ME3: variants seen among roughly 807,000 people sequenced by gnomAD.
ME3 encodes malic enzyme 3.
Under a neutral mutation model 68.9 loss-of-function variants are expected in ME3, and 48 were observed. The ratio of observed to expected loss-of-function variants is 0.70; its 90% CI spans 0.55 to 0.89. The LOEUF is 0.89. Among genes scored for constraint, ME3 ranks in the 40% least tolerant of loss-of-function variants. The pLI is 0.00. For synonymous variants in ME3, 320 were observed against 318.8 expected (o/e 1.00, Z -0.04); for missense variants, 675 against 797.4 (o/e 0.85, Z 1.85).
In ME3 at chr11:86,542,845, A is replaced by G. The variant is rs1301462987; in HGVS notation, c.467+13708T>C. Among the ~76,000 whole-genome samples the G allele has an allele frequency of 5.3e-5, 8 of 152,292 alleles. No homozygotes were observed. The East Asian group carries it at 1.3e-3, about 26-fold the overall frequency. ...CTCAAGAAGAGCAACCCCAAGACAC[A>G]TAATTGTCAGATTCACCAAGGTTGA... On this transcript the variant is annotated intron_variant, in intron 4 of 14. Coordinates refer to ENST00000543262, the Ensembl canonical transcript of ME3.
chr11:86,461,107 C>T lies in ME3; in HGVS notation c.919+3984G>A, dbSNP rs569895109. Among the ~76,000 whole-genome samples the T allele has an allele frequency of 4.6e-5, 7 of 152,298 alleles. No homozygotes were observed. In the East Asian group the frequency reaches 9.7e-4, roughly 21 times the overall value. On this transcript the variant is annotated intron_variant, in intron 8 of 14. Coordinates refer to ENST00000543262, the Ensembl canonical transcript of ME3. ...GCAGGGTCTGGAATTTCATCCTTAA[C>T]GAGAAGATACCCTCCACCACTTCAC...
At chr11:86,636,423 A>G (rs954572857) in intron 2 of ME3, among the ~76,000 whole-genome samples, 1 of 152,216 alleles carries the variant, frequency 6.6e-6, no homozygotes, top group African/African-American at 2.4e-5. Context: ...GGTCATGGCC[A>G]GGACTGAAGA....
chr11:86,498,011 G>A (rs1163757505), exon 6 of ME3: 1 of 1,612,812 alleles, frequency 6.2e-7, no homozygotes. Context: ...ACTGCTGCGG[G>A]TTCACCCCTC....
chr11:86,547,250 A>AAG (rs1261749004), intron 4 of ME3, among the ~76,000 whole-genome samples: 2 of 151,674 alleles, frequency 1.3e-5, no homozygotes, highest in South Asian at 4.2e-4. Context: ...AAAAAAAAAA[A>AAG]AAAAAAAAAA....
At chr11:86,559,887 G>T in intron 2 of ME3, 64 bp from the exon 3 acceptor site, 8 of 1,550,362 alleles carry the variant, frequency 5.2e-6, no homozygotes, top group Non-Finnish European at 7.0e-6. Flanking sequence ...AGGAACAGAA[G>T]GGGTCCCACC....
At chr11:86,456,724 G>A (rs944098225) in intron 8 of ME3, among the ~76,000 whole-genome samples, 9 of 152,094 alleles carry the variant, frequency 5.9e-5, no homozygotes, top group African/African-American at 1.9e-4. Context: ...GGAAGGGGAG[G>A]GGAGCTCAGA....
At chr11:86,435,492 A>G in the ME3 span, 4 of 152,246 alleles carry the variant, frequency 2.6e-5, no homozygotes, top group African/African-American at 9.6e-5. Context: ...ATAAGGATCA[A>G]GCTTGGTCTG....
intron 4 of ME3, among the ~76,000 whole-genome samples, chr11:86,510,074 A>T (rs1402251586): frequency 6.6e-6 from 1 of 152,180 alleles, no homozygotes; most frequent in Non-Finnish European, 1.5e-5. Context: ...TCTTGCCAGG[A>T]CTGTTCTTTC....
chr11:86,581,361 G>C (rs909093036), intron 2 of ME3, among the ~76,000 whole-genome samples: 1 of 152,094 alleles, frequency 6.6e-6, no homozygotes, highest in Non-Finnish European at 1.5e-5. Flanking sequence ...ATGAGTGATG[G>C]ATCAGACTGC....
chr11:86,551,000 C>G (rs1956646377), intron 4 of ME3, among the ~76,000 whole-genome samples: 1 of 151,508 alleles, frequency 6.6e-6, no homozygotes, highest in South Asian at 2.1e-4. Context: ...GTGGGGGTTG[C>G]CGGTGGGCTG....
intron 2 of ME3, among the ~76,000 whole-genome samples, chr11:86,560,463 C>T (rs575664280): frequency 6.6e-6 from 1 of 152,090 alleles, no homozygotes; most frequent in South Asian, 2.1e-4. Context: ...ATCTTTATAG[C>T]AGTGTGAAAA....
At chr11:86,448,707 C>A (rs1256228758) in intron 10 of ME3, among the ~76,000 whole-genome samples, 2 of 152,170 alleles carry the variant, frequency 1.3e-5, no homozygotes, top group African/African-American at 2.4e-5. Flanking sequence ...GTCAATAATA[C>A]TAAACTAAGC....
intron 2 of ME3, among the ~76,000 whole-genome samples, chr11:86,664,282 C>T (rs552731492): frequency 6.6e-6 from 1 of 152,296 alleles, no homozygotes; most frequent in Non-Finnish European, 1.5e-5. Context: ...CATTTACTTC[C>T]AAGCCCTTTA....
intron 2 of ME3, among the ~76,000 whole-genome samples, chr11:86,575,563 G>A (rs758702779): frequency 8.3e-5 from 12 of 144,176 alleles, no homozygotes; most frequent in Admixed American, 5.4e-4. Context: ...GAATAAACTT[G>A]GGACTGTTGG....
chr11:86,581,711 G>A (rs1958451215), intron 2 of ME3, among the ~76,000 whole-genome samples: 1 of 151,994 alleles, frequency 6.6e-6, no homozygotes, highest in Non-Finnish European at 1.5e-5. Context: ...CCCAAACCAA[G>A]CTCATCTTCC....
intron 2 of ME3, among the ~76,000 whole-genome samples, chr11:86,585,104 A>C (rs1958658846): frequency 6.6e-6 from 1 of 151,926 alleles, no homozygotes; most frequent in South Asian, 2.1e-4. Context: ...GGCTTGGAAA[A>C]GGGAAGGTGC....
At chr11:86,659,552 T>A (rs1946140348) in intron 2 of ME3, among the ~76,000 whole-genome samples, 1 of 152,206 alleles carries the variant, frequency 6.6e-6, no homozygotes, top group African/African-American at 2.4e-5. Flanking sequence ...GGGATGATCA[T>A]CTTGTGTTCC....
chr11:86,562,909 G>A (rs974324521), intron 2 of ME3, among the ~76,000 whole-genome samples: 2 of 151,968 alleles, frequency 1.3e-5, no homozygotes, highest in African/African-American at 4.8e-5. Flanking sequence ...ACTTATAAGC[G>A]ATAACATGTG....
intron 8 of ME3, among the ~76,000 whole-genome samples, chr11:86,462,955 A>G (rs779852767): frequency 4.1e-4 from 63 of 152,188 alleles, no homozygotes; most frequent in Non-Finnish European, 6.9e-4. Context: ...ACAGAAAGAA[A>G]TGGCAGGTAA....
Sources: allele counts gnomAD v4.1 joint callset (sites outside exome capture counted in the v4.1 genomes callset), GRCh38; gene constraint gnomAD v4.1.1; transcripts MANE v1.5; gene names NCBI Gene and HGNC (gene_info 2026-07-23, HGNC 2026-07-21).